Variants in TEPSIN observed in about 807,000 individuals in gnomAD.
TEPSIN encodes the protein AP-4 complex accessory subunit tepsin.
In TEPSIN, 50 loss-of-function variants were observed where a neutral mutation model predicts 48.5. The ratio of observed to expected loss-of-function variants is 1.03; its 90% CI spans 0.82 to 1.31. TEPSIN has a LOEUF of 1.31. Among genes scored for constraint, TEPSIN ranks in the 50% most tolerant of loss-of-function variants. The pLI, the probability that TEPSIN is intolerant of heterozygous loss-of-function variation, is 0.00. For missense variants in TEPSIN, 838 were observed against 815.9 expected (o/e 1.03, Z -0.33); for synonymous variants, 392 against 358.8 (o/e 1.09, Z -1.05).
chr17:81,237,437 G>C lies in TEPSIN; in HGVS notation c.71C>G (p.Thr24Arg), dbSNP rs147823876. Reference sequence around the variant, plus strand: ...CGGACACGGGACATCATCATCGGACGTCCCCTTCAGGAGAATCGGGAGCTG... The same window carrying C: ...CGGACACGGGACATCATCATCGGACCTCCCCTTCAGGAGAATCGGGAGCTG... ...LHRLPILLKG[T>R]SDDDVPCPGY... Residue 24 changes from threonine (T) to arginine (R), a missense_variant, in exon 2 of 13, where the codon ACG (threonine) becomes AGG (arginine). Transcript: ENST00000637944. 1.5e-5 allele frequency: 24 copies of C among 1,610,856 alleles called. No homozygotes were observed. Among genetic ancestry groups the C allele is most frequent in the Non-Finnish European group, 1.9e-5 (22 of 1,179,032 alleles).
intron 12 of TEPSIN, chr17:81,229,947 A>AT: frequency 5.5e-6 from 1 of 181,962 alleles, no homozygotes. Context: ...CAGATGGCCA[A>AT]TGACAGTTAA....
chr17:81,229,797 G>A, intron 12 of TEPSIN: 1 of 401,052 alleles, frequency 2.5e-6, no homozygotes, highest in Non-Finnish European at 4.5e-6. Context: ...GTGAACACGT[G>A]GCCTGGCACA....
rs938667360 is a variant in TEPSIN at position 81,236,754 on chromosome 17, G to A, written c.261C>T (p.Phe87=). The stretch of plus-strand genomic sequence containing the variant: ...CAGAGTTGCGTTTGAGGATGAGCAG[G>A]AAGAAGGAGGAGCCGTGGCTGCACA... ...LYLCSHGSSF[F]LLILKRNSAF... Residue 87 remains phenylalanine (F), a synonymous_variant, in exon 4 of 13, where the codon TTC becomes TTT. Coordinates refer to ENST00000637944, the MANE Select transcript of TEPSIN (RefSeq NM_001363764.2). 2 of 1,574,556 alleles carry A rather than the reference G, an allele frequency of 1.3e-6. No homozygotes were observed. Among genetic ancestry groups the A allele is most frequent in the Non-Finnish European group, 8.6e-7 (1 of 1,160,702 alleles).
rs1050117684 is a variant in TEPSIN at position 81,234,894 on chromosome 17, C to T, written c.308-846G>A. Reference sequence around the variant, plus strand: ...ACAAGCCCCTCATTCTAAAGTTCACCTTAACCAAAAACTGCCTAAATCCAT... The same window carrying T: ...ACAAGCCCCTCATTCTAAAGTTCACTTTAACCAAAAACTGCCTAAATCCAT... On this transcript the variant is annotated intron_variant, in intron 4 of 12. Transcript: ENST00000637944. The surrounding 1 kb of genome is among the most constrained non-coding windows in gnomAD (Gnocchi z 5.4). Among the ~76,000 whole-genome samples, 1 of 152,104 alleles carries T rather than the reference C, an allele frequency of 6.6e-6. No individual in the cohort carries two copies. Among genetic ancestry groups the T allele is most frequent in the African/African-American group, 2.4e-5 (1 of 41,410 alleles).
chr17:81,229,573 AC>A, intron 12 of TEPSIN, 97 bp from the exon 13 acceptor site: 1 of 1,339,862 alleles, frequency 7.5e-7, no homozygotes, highest in Non-Finnish European at 1.0e-6. Flanking sequence ...CAGTCCCTCC[AC>A]CCAGAGGGCA....
chr17:81,231,794 G>A (rs1331596240), intron 9 of TEPSIN, 53 bp downstream of exon 9: 3 of 1,607,148 alleles, frequency 1.9e-6, no homozygotes, highest in South Asian at 1.1e-5. Flanking sequence ...CTGGGAGGGG[G>A]ACAGTGTGGT....
rs1489905859 is a variant in TEPSIN at position 81,229,369 on chromosome 17, G to A, written c.1341C>T (p.Thr447=). ...AALPGPSDLL[T]DAVPLPGSQV... is the part of the protein sequence containing the mutation. ...GGCTCCCAGGGAGAGGCACAGCGTC[G>A]GTCAGCAGGTCAGATGGGCCTGGGA... The change falls in exon 13 of 13, where the codon ACC becomes ACT. Residue 447 remains threonine (T), a synonymous_variant. Transcript: ENST00000637944. The A allele has an allele frequency of 2.8e-5, 43 of 1,556,604 alleles. No individual in the cohort carries two copies. The highest frequency in any genetic ancestry group is 3.9e-5 in the Admixed American group (2 of 51,252).
rs188620146 is a variant in TEPSIN, at chr17:81,237,418, C to T, written c.90G>A (p.Pro30=). 3.0e-5 allele frequency: 49 copies of T among 1,611,922 alleles called. 1 individual carries two copies. The African/African-American group carries it at 4.9e-4, about 16-fold the overall frequency. Residue 30 remains proline, a synonymous_variant, in exon 2 of 13, where the codon CCG becomes CCA. Coordinates refer to ENST00000637944, the MANE Select transcript of TEPSIN (RefSeq NM_001363764.2). ...TCTCTTCAAACAGGTAGCCCGGACA[C>T]GGGACATCATCATCGGACGTCCCCT... The part of the protein sequence containing the change: ...LLKGTSDDDV[P]CPGYLFEEIA...
chr17:81,230,486 C>T lies in TEPSIN; in HGVS notation c.1233+58G>A, dbSNP rs919642013. The T allele has an allele frequency of 4.0e-5, 64 of 1,594,394 alleles. No individual in the cohort carries two copies. The highest frequency in any genetic ancestry group is 4.4e-4 in the Middle Eastern group (2 of 4,564). On this transcript the variant is annotated intron_variant, in intron 12 of 12. Coordinates refer to ENST00000637944, the MANE Select transcript of TEPSIN (RefSeq NM_001363764.2). The surrounding 1 kb of genome is among the most constrained non-coding windows in gnomAD (Gnocchi z 4.2). ...GGGACGGGGTGGCCGTGGACTGCAG[C>T]GTATCTCCCACTGTACCCTTGGACC... is the stretch of plus-strand genomic sequence containing the variant.
At position 81,233,379 on chromosome 17, in the gene TEPSIN, C is replaced by T; in HGVS notation, c.526+53G>A. 2.5e-6 allele frequency: 4 copies of T among 1,592,680 alleles called. No homozygotes were observed. The highest frequency in any genetic ancestry group is 3.4e-6 in the Non-Finnish European group (4 of 1,170,922). On this transcript the variant is annotated intron_variant, in intron 7 of 12. Coordinates refer to ENST00000637944, the MANE Select transcript of TEPSIN (RefSeq NM_001363764.2). This position sits in a 1 kb window ranked among gnomAD's most constrained non-coding sequence, Gnocchi z 5.8. Reference sequence around the variant, plus strand: ...CGGCATGGTCCGGCCCCCACCACCTCCTCATCCCCACACCCTGAGATGCCA... The same window carrying T: ...CGGCATGGTCCGGCCCCCACCACCTTCTCATCCCCACACCCTGAGATGCCA...
chr17:81,232,747 G>A, intron 7 of TEPSIN: 1 of 536,532 alleles, frequency 1.9e-6, no homozygotes, highest in African/African-American at 1.9e-5. Context: ...TCACTGCAGA[G>A]TTATGCCTCC....
At chr17:81,236,657 C>A (rs2062725452) in intron 4 of TEPSIN, 51 bp downstream of exon 4, 1 of 1,519,882 alleles carries the variant, frequency 6.6e-7, no homozygotes, top group African/African-American at 1.4e-5. Context: ...GCCACCCTCC[C>A]CCATTCTCCA....
rs776046633 is a variant in TEPSIN at position 81,234,085 on chromosome 17, A to G, written c.308-37T>C. 21 of 1,541,302 alleles carry G rather than the reference A, an allele frequency of 1.4e-5. No individual in the cohort carries two copies. The South Asian group carries it at 2.5e-4, about 18-fold the overall frequency. Reference sequence around the variant, plus strand: ...AAAAGGCAAGTCGGGGGCAGGGCTGAGCCTGGCACCGCTGCTCCCTGTGGA... The same window carrying G: ...AAAAGGCAAGTCGGGGGCAGGGCTGGGCCTGGCACCGCTGCTCCCTGTGGA... On this transcript the variant is annotated intron_variant, in intron 4 of 12. Transcript: ENST00000637944. This position sits in a 1 kb window ranked among gnomAD's most constrained non-coding sequence, Gnocchi z 5.4.
At position 81,230,871 on chromosome 17, in the gene TEPSIN, C is replaced by T. The variant is rs77750432; in HGVS notation, c.1099-193G>A. 0.015 allele frequency: 9,306 copies of T among 636,038 alleles called. 159 individuals carry two copies. Among genetic ancestry groups the T allele is most frequent in the African/African-American group, 0.084 (3,456 of 41,190 alleles). The allele number at this position is 636,038 out of a possible 1,614,324, so 39.4% of individuals were successfully genotyped here. On this transcript the variant is annotated intron_variant, in intron 11 of 12. Coordinates refer to ENST00000637944, the MANE Select transcript of TEPSIN (RefSeq NM_001363764.2). The surrounding 1 kb of genome is among the most constrained non-coding windows in gnomAD (Gnocchi z 4.2). ...GGATCCCAGACACCACAGCCCTGTC[C>T]TCACCACCTTACACCCCCGCTCCCA...
intron 10 of TEPSIN, 50 bp from the exon 11 acceptor site, chr17:81,231,526 C>G (rs1429148006): frequency 1.3e-6 from 2 of 1,581,562 alleles, no homozygotes; most frequent in African/African-American, 1.3e-5. Flanking sequence ...TCCCTCCTCC[C>G]TCGCCCACGG....
At chr17:81,229,648 C>A in intron 12 of TEPSIN, 172 bp from the exon 13 acceptor site, 1 of 662,572 alleles carries the variant, frequency 1.5e-6, no homozygotes, top group Non-Finnish European at 2.6e-6. Flanking sequence ...CAGTTGTCAT[C>A]CCACCGAGAG....
chr17:81,231,568 G>T lies in TEPSIN; in HGVS notation c.1019+10C>A. ...CTGAGGCAGAGCAGGGCGGGTCCGG[G>T]CGCACTCACGCTTTGATGAAGTGCT... On this transcript the variant is annotated intron_variant, in intron 10 of 12. Transcript: ENST00000637944. 6.2e-7 allele frequency: 1 copy of T among 1,609,588 alleles called. No individual in the cohort carries two copies. The highest frequency in any genetic ancestry group is 8.5e-7 in the Non-Finnish European group (1 of 1,178,202).
rs1370593540 is a variant in TEPSIN at position 81,236,974 on chromosome 17, G to T, written c.213+6C>A. 1 of 1,571,890 alleles carries T rather than the reference G, an allele frequency of 6.4e-7. No homozygotes were observed. Among genetic ancestry groups the T allele is most frequent in the Admixed American group, 1.8e-5 (1 of 54,880 alleles). On this transcript the variant is annotated splice_donor_region_variant and intron_variant, in intron 3 of 12. Transcript: ENST00000637944. The stretch of plus-strand genomic sequence containing the variant: ...AGGCCTGACCCTTGACCACCCAGGG[G>T]CTCACCTTGAGCTTCCCGTGGCCGG...
chr17:81,233,288 G>T lies in TEPSIN; in HGVS notation c.526+144C>A. The T allele has an allele frequency of 3.1e-6, 3 of 957,192 alleles. No individual in the cohort carries two copies. The highest frequency in any genetic ancestry group is 3.3e-5 in the South Asian group (2 of 60,076). The allele number at this position is 957,192 out of a possible 1,614,324, so 59.3% of individuals were successfully genotyped here. The stretch of plus-strand genomic sequence containing the variant: ...TCAGCAGCCAGAGAGAGACAGTGGG[G>T]ACAGCCCCAGGAAGGGTTGAGGCCA... On this transcript the variant is annotated intron_variant, in intron 7 of 12. Coordinates refer to ENST00000637944, the MANE Select transcript of TEPSIN (RefSeq NM_001363764.2). This position sits in a 1 kb window ranked among gnomAD's most constrained non-coding sequence, Gnocchi z 5.8.
Sources: gnomAD v4.1 joint callset for allele counts (sites outside exome capture counted in the v4.1 genomes callset) on GRCh38, gnomAD v4.1.1 for gene constraint, Gnocchi (gnomAD v3.1) non-coding constraint, MANE v1.5 for transcripts, NCBI Gene and HGNC (gene_info 2026-07-23, HGNC 2026-07-21) for gene names.